The following DLGAP2 variants were observed in gnomAD, a reference collection of about 807,000 sequenced individuals.
DLGAP2 encodes DLG associated protein 2, also known as disks large-associated protein 2.
A neutral mutation model predicts 100.3 loss-of-function variants in DLGAP2; 26 were observed. The observed-to-expected ratio is 0.26, with a 90% confidence interval of 0.19 to 0.36. The LOEUF (loss-of-function observed/expected upper bound fraction) is 0.36, where lower values mean the gene tolerates loss of function less well. DLGAP2 is among the 10% of genes least tolerant of loss of function. DLGAP2 has a pLI of 1.00. For synonymous variants in DLGAP2, 886 were observed against 630.1 expected, an observed-to-expected ratio of 1.41 and a Z score of -6.08; for missense variants, 1,858 against 1,453.2, an observed-to-expected ratio of 1.28 and a Z score of -4.53.
At chr8:1,293,345 C>T (rs754897019) in intron 3 of DLGAP2, among the ~76,000 whole-genome samples, 4 of 152,142 alleles carry the variant, frequency 2.6e-5, no homozygotes, top group East Asian at 1.9e-4. Context: ...GCCATGGCTC[C>T]TTCCCTGTGC....
intron 14 of DLGAP2, among the ~76,000 whole-genome samples, chr8:1,700,133 G>T (rs1413252756): frequency 6.6e-6 from 1 of 152,174 alleles, no homozygotes; most frequent in Non-Finnish European, 1.5e-5. Flanking sequence ...CAGGCTTCTT[G>T]CCACAGGCCT....
At position 1,407,741 on chromosome 8, in the gene DLGAP2, G is replaced by C. The variant is rs7834592; in HGVS notation, c.107-93625G>C. Reference sequence around the variant, plus strand: ...TTGAGTGCTTACTGAGCGCCAGCTCGTCATCCTCCAGAGTCGTGTATTGAG... The same window carrying C: ...TTGAGTGCTTACTGAGCGCCAGCTCCTCATCCTCCAGAGTCGTGTATTGAG... On this transcript the variant is annotated intron_variant, in intron 3 of 14. Coordinates refer to ENST00000637795, the MANE Select transcript of DLGAP2 (RefSeq NM_001346810.2). Among the ~76,000 whole-genome samples, 56 of 53,586 alleles carry C rather than the reference G, an allele frequency of 1.0e-3. 3 individuals carry two copies. The highest frequency in any genetic ancestry group is 3.6e-3 in the African/African-American group (46 of 12,914). 35.2% of individuals were successfully genotyped at this position (53,586 alleles called of 152,430 possible).
intron 3 of DLGAP2, among the ~76,000 whole-genome samples, chr8:1,453,725 A>C (rs1798227244): frequency 6.6e-6 from 1 of 152,208 alleles, no homozygotes; most frequent in African/African-American, 2.4e-5. Context: ...TTCTCACGAG[A>C]GTATGCACTT....
chr8:1,690,641 T>G (rs1035505230), intron 12 of DLGAP2, among the ~76,000 whole-genome samples: 1 of 139,552 alleles, frequency 7.2e-6, no homozygotes, highest in African/African-American at 2.7e-5. Context: ...GAGGTGGAGG[T>G]TGCAGTGAGC....
intron 3 of DLGAP2, among the ~76,000 whole-genome samples, chr8:1,444,836 G>C (rs930409112): frequency 2.2e-5 from 3 of 139,186 alleles, no homozygotes; most frequent in African/African-American, 8.4e-5. Context: ...CTGGAGTGCA[G>C]TGGCGTGACC....
chr8:973,906 G>A (rs1303649373), intron 2 of DLGAP2, among the ~76,000 whole-genome samples: 5 of 141,594 alleles, frequency 3.5e-5, no homozygotes, highest in African/African-American at 8.2e-5. Flanking sequence ...CGCCGCCACC[G>A]CCACCGCCGC....
chr8:1,582,856 C>T (rs1000837965), intron 6 of DLGAP2, among the ~76,000 whole-genome samples: 4 of 152,122 alleles, frequency 2.6e-5, no homozygotes, highest in African/African-American at 9.7e-5. Flanking sequence ...CCTCGGCTTC[C>T]TAAGAAAGGA....
intron 3 of DLGAP2, among the ~76,000 whole-genome samples, chr8:1,264,773 C>G (rs2116917045): frequency 6.6e-6 from 1 of 152,238 alleles, no homozygotes; most frequent in East Asian, 1.9e-4. Context: ...TGCTGTGTCC[C>G]CACCCAAATC....
intron 3 of DLGAP2, among the ~76,000 whole-genome samples, chr8:1,447,235 T>C (rs1798006080): frequency 6.6e-6 from 1 of 152,250 alleles, no homozygotes; most frequent in Non-Finnish European, 1.5e-5. Flanking sequence ...GGGTTTGTCA[T>C]AGATAGCTCT....
rs192486030 is a variant in DLGAP2 at position 1,687,874 on chromosome 8, C to A, written c.2705-3661C>A. ...CCACTTCTATATATTTCTGCAGCAA[C>A]GACTTACTTAAAATAGTCCCTTTAA... On this transcript the variant is annotated intron_variant, in intron 12 of 14. Transcript: ENST00000637795. Among the ~76,000 whole-genome samples, 307 of 152,256 alleles carry A rather than the reference C, an allele frequency of 2.0e-3. 4 individuals carry two copies. Among genetic ancestry groups the A allele is most frequent in the Non-Finnish European group, 3.5e-4 (24 of 68,018 alleles).
chr8:1,302,109 A>T, intron 3 of DLGAP2: 1 of 152,280 alleles, frequency 6.6e-6, no homozygotes, highest in East Asian at 1.9e-4. Context: ...CAGAAGCTCT[A>T]TAAGTTCCTG....
chr8:915,627 C>A (rs116525990), intron 2 of DLGAP2, among the ~76,000 whole-genome samples: 5 of 152,054 alleles, frequency 3.3e-5, no homozygotes, highest in Non-Finnish European at 7.3e-5. Context: ...GCCACCCACT[C>A]CCCTGGAATT....
At chr8:1,572,927 A>T (rs1383019154) in intron 6 of DLGAP2, among the ~76,000 whole-genome samples, 2 of 127,526 alleles carry the variant, frequency 1.6e-5, no homozygotes, top group African/African-American at 3.0e-5. Context: ...GATGAGATGG[A>T]GATGAGAGAG....
At chr8:1,616,155 G>A (rs969240801) in intron 6 of DLGAP2, among the ~76,000 whole-genome samples, 1 of 151,974 alleles carries the variant, frequency 6.6e-6, no homozygotes, top group Non-Finnish European at 1.5e-5. Flanking sequence ...GAGAGAGCAG[G>A]AAAAAAGCTT....
chr8:1,050,536 G>C (rs888793034), intron 2 of DLGAP2, among the ~76,000 whole-genome samples: 3 of 152,096 alleles, frequency 2.0e-5, no homozygotes, highest in Non-Finnish European at 4.4e-5. Flanking sequence ...GCTCATGATG[G>C]GTTTATTAGG....
intron 3 of DLGAP2, among the ~76,000 whole-genome samples, chr8:1,430,249 G>T (rs757229260): frequency 1.8e-4 from 28 of 151,378 alleles, no homozygotes; most frequent in Admixed American, 4.0e-4. Flanking sequence ...TTTTAATTTA[G>T]ATTCTACATA....
At position 1,191,462 on chromosome 8, in the gene DLGAP2, G is replaced by A. The variant is rs369749159; in HGVS notation, c.74-67389G>A. Among the ~76,000 whole-genome samples, 712 of 152,252 alleles carry A rather than the reference G, an allele frequency of 4.7e-3. 7 individuals carry two copies. Among genetic ancestry groups the A allele is most frequent in the African/African-American group, 0.015 (639 of 41,548 alleles). Reference sequence around the variant, plus strand: ...GGGGATTATAGGCGTGAGCCACCGCGCCCAGCCGATACGTTTTATCTATAA... The same window carrying A: ...GGGGATTATAGGCGTGAGCCACCGCACCCAGCCGATACGTTTTATCTATAA... On this transcript the variant is annotated intron_variant, in intron 2 of 14. Coordinates refer to ENST00000637795, the MANE Select transcript of DLGAP2 (RefSeq NM_001346810.2).
intron 2 of DLGAP2, among the ~76,000 whole-genome samples, chr8:940,536 C>T (rs558590956): frequency 2.0e-5 from 3 of 152,220 alleles, no homozygotes; most frequent in Admixed American, 6.5e-5. Context: ...TGACCACATC[C>T]GTGTCCATGA....
Position 785,402 on chromosome 8 carries a change from C to T in DLGAP2, c.18+47577C>T, listed in dbSNP as rs184315888. On this transcript the variant is annotated intron_variant, in intron 1 of 14. Transcript: ENST00000637795. ...TGCCCCTCTGAGACCGGCTTCTCTCCTCCCCTCAGGTCTCTCTGAGACCGG... is the reference window on the plus strand; with the variant it reads ...TGCCCCTCTGAGACCGGCTTCTCTCTTCCCCTCAGGTCTCTCTGAGACCGG... 9.1e-4 allele frequency among the ~76,000 whole-genome samples: 136 copies of T among 149,626 alleles called. 1 individual carries two copies. The highest frequency in any genetic ancestry group is 1.6e-3 in the African/African-American group (65 of 40,948).
Sources: gnomAD v4.1 joint callset for allele counts (sites outside exome capture counted in the v4.1 genomes callset) on GRCh38, gnomAD v4.1.1 for gene constraint, MANE v1.5 for transcripts, NCBI Gene and HGNC (gene_info 2026-07-23, HGNC 2026-07-21) for gene names.